The following PDGFD variants were observed in gnomAD, a reference collection of about 807,000 sequenced individuals.
PDGFD encodes platelet derived growth factor D.
Under a neutral mutation model 44.7 loss-of-function variants are expected in PDGFD, and 30 were observed. The ratio of observed to expected loss-of-function variants is 0.67; its 90% CI spans 0.50 to 0.91. The LOEUF is 0.91. Ranked by LOEUF, PDGFD falls within the 40% of genes least tolerant of loss-of-function variation. PDGFD has a pLI of 0.00. For missense variants in PDGFD, 445 were observed against 457.8 expected, an observed-to-expected ratio of 0.97 and a Z score of 0.25; for synonymous variants, 173 against 168.4, an observed-to-expected ratio of 1.03 and a Z score of -0.21.
chr11:103,940,387 A>G (rs1415277413), intron 5 of PDGFD, among the ~76,000 whole-genome samples: 5 of 152,136 alleles, frequency 3.3e-5, no homozygotes, highest in Non-Finnish European at 7.4e-5. Flanking sequence ...GACAAATCAG[A>G]AGAATGGATG....
At chr11:104,000,843 A>G (rs1467062431) in intron 1 of PDGFD, among the ~76,000 whole-genome samples, 1 of 152,118 alleles carries the variant, frequency 6.6e-6, no homozygotes, top group Non-Finnish European at 1.5e-5. Context: ...TCCAATTCTT[A>G]CTGTATTTTC....
At chr11:103,973,138 C>CTT (rs555810765) in intron 3 of PDGFD, among the ~76,000 whole-genome samples, 14 of 134,414 alleles carry the variant, frequency 1.0e-4, no homozygotes, top group South Asian at 2.4e-4. Flanking sequence ...AAAGTGGTCA[C>CTT]TTTTTTTTTT....
intron 6 of PDGFD, among the ~76,000 whole-genome samples, chr11:103,917,668 C>T (rs1347639232): frequency 6.6e-6 from 1 of 152,008 alleles, no homozygotes; most frequent in African/African-American, 2.4e-5. Context: ...CCACTTTATA[C>T]TGAGATTCTA....
At chr11:104,042,429 T>A (rs1860370052) in intron 1 of PDGFD, among the ~76,000 whole-genome samples, 1 of 152,208 alleles carries the variant, frequency 6.6e-6, no homozygotes, top group Admixed American at 6.5e-5. Context: ...AGTGCCCAGT[T>A]AACAGGCTGT....
In PDGFD at chr11:103,907,463, A is replaced by T. The variant is rs1857952552; in HGVS notation, c.*2231T>A. ...TATTCCTTTGATGGCTATCAAATAGATTTATTGGCTACATGTTAGAAGTGC... is the reference window on the plus strand; with the variant it reads ...TATTCCTTTGATGGCTATCAAATAGTTTTATTGGCTACATGTTAGAAGTGC... On this transcript the variant is annotated 3_prime_UTR_variant, in exon 7 of 7. Transcript: ENST00000393158. The T allele has an allele frequency of 1.3e-5, 2 of 152,224 alleles. No individual in the cohort carries two copies. Among genetic ancestry groups the T allele is most frequent in the Non-Finnish European group, 2.9e-5 (2 of 68,044 alleles). The allele number at this position is 152,224 out of a possible 1,614,324, so 9.4% of individuals were successfully genotyped here.
chr11:104,085,239 A>G (rs866217725), intron 1 of PDGFD, among the ~76,000 whole-genome samples: 7 of 152,058 alleles, frequency 4.6e-5, no homozygotes, highest in Non-Finnish European at 7.4e-5. Context: ...CTTTCATCCA[A>G]TTTTAACCTC....
chr11:103,918,661 A>G (rs910454165), intron 6 of PDGFD, among the ~76,000 whole-genome samples: 2 of 152,210 alleles, frequency 1.3e-5, no homozygotes, highest in Non-Finnish European at 2.9e-5. Flanking sequence ...GCTGATAAGA[A>G]GAGAAAAATG....
At chr11:104,036,764 C>G (rs1018524695) in intron 1 of PDGFD, 7 of 1,415,616 alleles carry the variant, frequency 4.9e-6, no homozygotes, top group South Asian at 3.7e-5. Flanking sequence ...CAGGCCCGCC[C>G]CAGCCCGCCA....
chr11:103,977,499 C>G (rs1013150231), intron 3 of PDGFD, among the ~76,000 whole-genome samples: 6 of 152,088 alleles, frequency 3.9e-5, no homozygotes, highest in African/African-American at 1.4e-4. Context: ...CCACCATGAT[C>G]AACTGTTCAT....
rs1860450899 is a variant in PDGFD at position 104,046,928 on chromosome 11, C to T, written c.125-46673G>A. On this transcript the variant is annotated intron_variant, in intron 1 of 6. Coordinates refer to ENST00000393158, the MANE Select transcript of PDGFD (RefSeq NM_025208.5). ...CCGACAGGCTCCAGTGTATGATGTT[C>T]CCCTCCCTGTGTCTACATGTTCTCA... 1.4e-5 allele frequency among the ~76,000 whole-genome samples: 2 copies of T among 145,968 alleles called. 1 individual carries two copies. The highest frequency in any genetic ancestry group is 3.0e-5 in the Non-Finnish European group (2 of 65,600).
At chr11:104,037,616 T>C (rs1424918946) in intron 1 of PDGFD, 1 of 1,614,044 alleles carries the variant, frequency 6.2e-7, no homozygotes, top group South Asian at 1.1e-5. Flanking sequence ...GGCGCCCAGA[T>C]GACCATTATG....
At chr11:104,114,551 A>G (rs928622493) in intron 1 of PDGFD, among the ~76,000 whole-genome samples, 2 of 152,010 alleles carry the variant, frequency 1.3e-5, no homozygotes, top group Non-Finnish European at 2.9e-5. Flanking sequence ...TTGTTTTCAC[A>G]TCCTTTAATA....
chr11:103,917,965 C>T (rs961983177), intron 6 of PDGFD, among the ~76,000 whole-genome samples: 3 of 152,152 alleles, frequency 2.0e-5, no homozygotes, highest in East Asian at 3.9e-4. Context: ...TTTTGCCATG[C>T]TGTTCCATAG....
chr11:103,979,112 T>C lies in PDGFD; in HGVS notation c.510+16953A>G, dbSNP rs113342121. 3.9e-3 allele frequency among the ~76,000 whole-genome samples: 589 copies of C among 152,170 alleles called. 3 individuals carry two copies. Among genetic ancestry groups the C allele is most frequent in the Middle Eastern group, 0.014 (4 of 294 alleles). ...TAAAAGAAAATTCTAATGCAAACCA[T>C]TGGTCATTTTCCTGGAATTGTGGTA... On this transcript the variant is annotated intron_variant, in intron 3 of 6. Transcript: ENST00000393158.
At chr11:103,971,896 A>C (rs1859108464) in intron 3 of PDGFD, among the ~76,000 whole-genome samples, 3 of 152,244 alleles carry the variant, frequency 2.0e-5, no homozygotes, top group Non-Finnish European at 2.9e-5. Context: ...ATGATTACAC[A>C]GCATAAAGCA....
In PDGFD at chr11:104,164,081, T is replaced by G; in HGVS notation, c.-154A>C. ...ATCGCCGAGCTCTCCCCAAACTTCC[T>G]GCATGCTGAACTTTCCGAGCGCGTG... On this transcript the variant is annotated 5_prime_UTR_variant, in exon 1 of 7. Coordinates refer to ENST00000393158, the MANE Select transcript of PDGFD (RefSeq NM_025208.5). 1 of 779,724 alleles carries G rather than the reference T, an allele frequency of 1.3e-6. No individual in the cohort carries two copies. Among genetic ancestry groups the G allele is most frequent in the Non-Finnish European group, 1.9e-6 (1 of 530,180 alleles). The allele number at this position is 779,724 out of a possible 1,614,324, so 48.3% of individuals were successfully genotyped here. A position where few individuals can be genotyped will look rare whatever the true frequency, so the allele number is the denominator to read the frequency against.
chr11:104,049,398 A>AG (rs1433167439), intron 1 of PDGFD, among the ~76,000 whole-genome samples: 3 of 152,236 alleles, frequency 2.0e-5, no homozygotes, highest in Admixed American at 6.5e-5. Flanking sequence ...GAGAATGGTT[A>AG]GGGTGGCTGA....
rs112677442 is a variant in PDGFD at position 104,139,340 on chromosome 11, G to A, written c.124+24464C>T. ...AGCATAATACATGGAGGCTGCCGGG[G>A]ATATAACTTCTAATGAAACAGCTGA... On this transcript the variant is annotated intron_variant, in intron 1 of 6. Coordinates refer to ENST00000393158, the MANE Select transcript of PDGFD (RefSeq NM_025208.5). 1.0e-2 allele frequency among the ~76,000 whole-genome samples: 1,519 copies of A among 152,140 alleles called. 28 individuals are homozygous for A. Among genetic ancestry groups the A allele is most frequent in the African/African-American group, 0.035 (1,438 of 41,500 alleles).
rs374902429 is a variant in PDGFD, at chr11:104,059,569, T to C, written c.125-59314A>G. 4.3e-4 allele frequency among the ~76,000 whole-genome samples: 65 copies of C among 152,326 alleles called. No homozygotes were observed. The South Asian group carries it at 0.011, about 26-fold the overall frequency. On this transcript the variant is annotated intron_variant, in intron 1 of 6. Coordinates refer to ENST00000393158, the MANE Select transcript of PDGFD (RefSeq NM_025208.5). ...TTAATTCAAATCCAACTCTAATTAA[T>C]TTATTGACCTTTTCCAATTTACATT...
Sources: allele counts gnomAD v4.1 joint callset (sites outside exome capture counted in the v4.1 genomes callset), GRCh38; gene constraint gnomAD v4.1.1; transcripts MANE v1.5; gene names NCBI Gene and HGNC (gene_info 2026-07-23, HGNC 2026-07-21).